CATSPERD: variants seen among roughly 807,000 people sequenced by gnomAD.
CATSPERD encodes the protein catsper channel auxiliary subunit delta.
Under a neutral mutation model 98.1 loss-of-function variants are expected in CATSPERD, and 86 were observed. That is an observed-to-expected ratio of 0.88 (90% CI 0.74 to 1.05). The LOEUF (loss-of-function observed/expected upper bound fraction) is 1.05, where lower values mean the gene tolerates loss of function less well. Ranked by LOEUF, CATSPERD falls within the 50% of genes least tolerant of loss-of-function variation. The pLI is 0.00. For synonymous variants in CATSPERD, 394 were observed against 390.2 expected (o/e 1.01, Z -0.12); for missense variants, 995 against 1,005.7 (o/e 0.99, Z 0.14).
chr19:5,757,264 A>G (rs1164638821), intron 13 of CATSPERD, among the ~76,000 whole-genome samples: 2 of 151,258 alleles, frequency 1.3e-5, no homozygotes, highest in Non-Finnish European at 2.9e-5. Flanking sequence ...ATAAAGAAAG[A>G]AAGAAAATAA....
chr19:5,720,643 G>T lies in CATSPERD; in HGVS notation c.-95G>T. ...AGGCCCGCTCCCGGGACTCATTGAT[G>T]CGCATGCGCAGGGCTTCAGCCTGCA... is the stretch of plus-strand genomic sequence containing the variant. On this transcript the variant is annotated 5_prime_UTR_variant, in exon 1 of 22. It removes an upstream start codon present in the reference 5' UTR. Transcript: ENST00000381624. 2 of 1,245,162 alleles carry T rather than the reference G, an allele frequency of 1.6e-6. No homozygotes were observed. The highest frequency in any genetic ancestry group is 2.3e-6 in the Non-Finnish European group (2 of 879,700). 77.1% of individuals were successfully genotyped at this position (1,245,162 alleles called of 1,614,324 possible). A position where few individuals can be genotyped will look rare whatever the true frequency, so the allele number is the denominator to read the frequency against.
chr19:5,774,341 T>C (rs1359567554), intron 20 of CATSPERD, among the ~76,000 whole-genome samples: 5 of 152,168 alleles, frequency 3.3e-5, no homozygotes, highest in Non-Finnish European at 7.3e-5. Flanking sequence ...ATTTAAGAGA[T>C]GGCCCCATTA....
chr19:5,734,005 G>C, intron 5 of CATSPERD, 35 bp downstream of exon 5: 1 of 1,352,058 alleles, frequency 7.4e-7, no homozygotes, highest in African/African-American at 1.5e-5. Context: ...TTTTGTTTGA[G>C]TGTAGTCAAC....
intron 13 of CATSPERD, among the ~76,000 whole-genome samples, chr19:5,755,835 T>G (rs2056314667): frequency 6.6e-6 from 1 of 150,988 alleles, no homozygotes; most frequent in Non-Finnish European, 1.5e-5. Context: ...CCAGGTGTAG[T>G]GGCATGCACC....
At chr19:5,720,917 A>G (rs2055449278) in intron 1 of CATSPERD, 109 bp downstream of exon 1, 2 of 837,262 alleles carry the variant, frequency 2.4e-6, no homozygotes, top group Admixed American at 3.0e-5. Flanking sequence ...CTCCCCTTTT[A>G]CTCTTTTTAG....
chr19:5,752,961 G>A (rs1191849230), intron 12 of CATSPERD, among the ~76,000 whole-genome samples: 1 of 151,196 alleles, frequency 6.6e-6, no homozygotes, highest in Non-Finnish European at 1.5e-5. Flanking sequence ...CTGGGAGGCA[G>A]AGGTTGCAGT....
chr19:5,742,229 CGTGTGTGT>C (rs896195622), intron 7 of CATSPERD, among the ~76,000 whole-genome samples: 23 of 143,990 alleles, frequency 1.6e-4, no homozygotes, highest in African/African-American at 4.2e-4. Flanking sequence ...CATGTGTGTG[CGTGTGTGT>C]ACGTATGTGA....
Position 5,749,202 on chromosome 19 carries a change from G to A in CATSPERD, c.987+19G>A, listed in dbSNP as rs1210914867. 4.4e-6 allele frequency: 7 copies of A among 1,592,486 alleles called. No homozygotes were observed. The highest frequency in any genetic ancestry group is 6.0e-6 in the Non-Finnish European group (7 of 1,163,330). On this transcript the variant is annotated intron_variant, in intron 11 of 21. Transcript: ENST00000381624. ...AATCAAAGTAGGTAAAAAGAAAGTG[G>A]GGTTATGGGCTGGGCACGGTGGTTC...
At chr19:5,727,009 T>C (rs905817698) in intron 2 of CATSPERD, among the ~76,000 whole-genome samples, 5 of 151,994 alleles carry the variant, frequency 3.3e-5, no homozygotes, top group East Asian at 1.9e-4. Flanking sequence ...CTGGCTAACA[T>C]GGTGAAACCC....
chr19:5,756,758 A>G (rs2056331544), intron 13 of CATSPERD, among the ~76,000 whole-genome samples: 1 of 151,948 alleles, frequency 6.6e-6, no homozygotes, highest in Admixed American at 6.6e-5. Context: ...CAGCCTGTGC[A>G]ACATGGTGAA....
At chr19:5,769,293 C>CAAAAAA (rs35536683) in intron 18 of CATSPERD, among the ~76,000 whole-genome samples, 1 of 45,078 alleles carries the variant, frequency 2.2e-5, no homozygotes, top group African/African-American at 9.1e-5. Flanking sequence ...AACCTAGAGA[C>CAAAAAA]AAAAAAAAAA....
intron 17 of CATSPERD, among the ~76,000 whole-genome samples, chr19:5,767,883 G>A (rs992426153): frequency 2.6e-4 from 40 of 151,828 alleles, no homozygotes; most frequent in Non-Finnish European, 7.4e-5. Flanking sequence ...TGCAACCTCC[G>A]CCTCCCAGGT....
rs200947261 is a variant in CATSPERD at position 5,742,377 on chromosome 19, T to C, written c.574-2050T>C. 9.2e-5 allele frequency among the ~76,000 whole-genome samples: 14 copies of C among 152,228 alleles called. No individual in the cohort carries two copies. The East Asian group carries it at 2.5e-3, about 27-fold the overall frequency. On this transcript the variant is annotated intron_variant, in intron 7 of 21. Coordinates refer to ENST00000381624, the MANE Select transcript of CATSPERD (RefSeq NM_152784.4). ...GCATGTATGTTTGTGCGTGTGGCAGTGGAATTGTTTTTATCACGGACATTT... is the reference window on the plus strand; with the variant it reads ...GCATGTATGTTTGTGCGTGTGGCAGCGGAATTGTTTTTATCACGGACATTT...
At chr19:5,748,990 A>G in intron 10 of CATSPERD, 111 bp from the exon 11 acceptor site, 1 of 804,196 alleles carries the variant, frequency 1.2e-6, no homozygotes, top group East Asian at 3.3e-5. Context: ...TCGGCCTCTC[A>G]AAGTGTTGGA....
chr19:5,778,339 A>C, intron 21 of CATSPERD, 37 bp from the exon 22 acceptor site: 2 of 1,564,946 alleles, frequency 1.3e-6, no homozygotes, highest in South Asian at 2.4e-5. Flanking sequence ...CCCAAAGGCA[A>C]TGCCCAACAG....
At chr19:5,774,593 G>A (rs1232893824) in intron 20 of CATSPERD, among the ~76,000 whole-genome samples, 3 of 152,268 alleles carry the variant, frequency 2.0e-5, no homozygotes, top group African/African-American at 4.8e-5. Context: ...GGAGCTTGAG[G>A]CAAGAGAATC....
rs1473234135 is a variant in CATSPERD, at chr19:5,748,242, C to T, written c.891C>T (p.His297=). The T allele has an allele frequency of 2.5e-6, 4 of 1,613,896 alleles. No homozygotes were observed. The highest frequency in any genetic ancestry group is 1.3e-5 in the African/African-American group (1 of 75,032). ...TTTTTGAAGCCAAGATCACCATCCA[C>T]AACATTGCTGTCAGTGCGTAGCCGA... ...SSIFEAKITI[H]NIAVTENELA... The change falls in exon 10 of 22, where the codon CAC becomes CAT. Residue 297 remains histidine, a synonymous_variant. Coordinates refer to ENST00000381624, the MANE Select transcript of CATSPERD (RefSeq NM_152784.4).
chr19:5,729,567 A>G (rs2055674212), intron 3 of CATSPERD, among the ~76,000 whole-genome samples: 1 of 152,260 alleles, frequency 6.6e-6, no homozygotes, highest in African/African-American at 2.4e-5. Flanking sequence ...TTCCTGGTCT[A>G]AAACTATTTA....
Position 5,724,805 on chromosome 19 carries a change from TA to T in CATSPERD, c.72-2del, listed in dbSNP as rs762860674. On this transcript the variant is annotated splice_acceptor_variant, in intron 1 of 21. Coordinates refer to ENST00000381624, the MANE Select transcript of CATSPERD (RefSeq NM_152784.4). LOFTEE classifies it high-confidence loss of function. ...GACAGATGGTCTTTCTTGTCACTTC[TA>T]GTTCTCGCACAGTGAGGACAGGAAA... The T allele has an allele frequency of 1.2e-6, 2 of 1,613,848 alleles. No individual in the cohort carries two copies. Among genetic ancestry groups the T allele is most frequent in the Non-Finnish European group, 1.7e-6 (2 of 1,179,726 alleles).
Sources: gnomAD v4.1 joint callset for allele counts (sites outside exome capture counted in the v4.1 genomes callset) on GRCh38, gnomAD v4.1.1 for gene constraint, MANE v1.5 for transcripts, NCBI Gene and HGNC (gene_info 2026-07-23, HGNC 2026-07-21) for gene names.